ESS2: variants seen among roughly 807,000 people sequenced by gnomAD.
The protein encoded by ESS2 is ess-2 spliceosome associated protein.
A neutral mutation model predicts 52.0 loss-of-function variants in ESS2; 31 were observed. The observed-to-expected ratio is 0.60, with a 90% CI of 0.45 to 0.81. The LOEUF (loss-of-function observed/expected upper bound fraction) is 0.81, where lower values mean the gene tolerates loss of function less well. Ranked by LOEUF, ESS2 falls within the 30% of genes least tolerant of loss-of-function variation. The pLI is 0.00. For missense variants in ESS2, 602 were observed against 637.2 expected (o/e 0.94, Z 0.59); for synonymous variants, 285 against 259.2 (o/e 1.10, Z -0.95).
Position 19,131,685 on chromosome 22 carries a change from G to A in ESS2, c.*2511C>T. The A allele has an allele frequency of 1.2e-6, 2 of 1,614,028 alleles. No homozygotes were observed. Among genetic ancestry groups the A allele is most frequent in the Non-Finnish European group, 1.7e-6 (2 of 1,180,014 alleles). ...CATCATCATGGAGCTTGGCGTCCAGGGCGACCTCCTCGAGTTCATCAAGTG... is the reference window on the plus strand; with the variant it reads ...CATCATCATGGAGCTTGGCGTCCAGAGCGACCTCCTCGAGTTCATCAAGTG... On this transcript the variant is annotated 3_prime_UTR_variant, in exon 10 of 10. Transcript: ENST00000252137. This position sits in a 1 kb window ranked among gnomAD's most constrained non-coding sequence, Gnocchi z 5.7.
At position 19,131,813 on chromosome 22, in the gene ESS2, G is replaced by A. The variant is rs764357812; in HGVS notation, c.*2383C>T. 12 of 1,614,054 alleles carry A rather than the reference G, an allele frequency of 7.4e-6. No homozygotes were observed. In the South Asian group the frequency reaches 1.3e-4, roughly 18 times the overall value. On this transcript the variant is annotated 3_prime_UTR_variant, in exon 10 of 10. Transcript: ENST00000252137. The surrounding 1 kb of genome is among the most constrained non-coding windows in gnomAD (Gnocchi z 5.7). ...TGGACATCGTCCACCGGGACCTCAAGTGCGAGAACCTTCTCCTCGACAAGG... is the reference window on the plus strand; with the variant it reads ...TGGACATCGTCCACCGGGACCTCAAATGCGAGAACCTTCTCCTCGACAAGG...
intron 3 of ESS2, among the ~76,000 whole-genome samples, chr22:19,140,369 A>AC (rs1344190941): frequency 6.6e-6 from 1 of 151,998 alleles, no homozygotes; most frequent in Admixed American, 6.5e-5. Context: ...TCCCCCACCA[A>AC]AGTGGTGCCA....
At chr22:19,140,601 C>T (rs202049370) in intron 3 of ESS2, among the ~76,000 whole-genome samples, 3 of 152,250 alleles carry the variant, frequency 2.0e-5, no homozygotes, top group South Asian at 2.1e-4. Context: ...AACACCCCCC[C>T]CTCCGACCAA....
chr22:19,139,464 G>A lies in ESS2; in HGVS notation c.688+148C>T, dbSNP rs932059468. 3 of 1,205,006 alleles carry A rather than the reference G, an allele frequency of 2.5e-6. No individual in the cohort carries two copies. In the South Asian group the frequency reaches 4.1e-5, roughly 16 times the overall value. 74.6% of individuals were successfully genotyped at this position (1,205,006 alleles called of 1,614,324 possible). A position where few individuals can be genotyped will look rare whatever the true frequency, so the allele number is the denominator to read the frequency against. ...CTCACTGCTGACCTCACACAGACCT[G>A]TCCACCCTTAGACAGACCAGTACCC... is the stretch of plus-strand genomic sequence containing the variant. On this transcript the variant is annotated intron_variant, in intron 5 of 9. Transcript: ENST00000252137.
chr22:19,139,008 C>G (rs564827818), intron 6 of ESS2, 151 bp downstream of exon 6: 2 of 1,112,558 alleles, frequency 1.8e-6, no homozygotes, highest in Non-Finnish European at 2.5e-6. Flanking sequence ...CCACTGGGGC[C>G]AAGGAAAGAC....
chr22:19,136,009 AAC>A (rs1005659100), intron 8 of ESS2, among the ~76,000 whole-genome samples: 1 of 147,680 alleles, frequency 6.8e-6, no homozygotes, highest in African/African-American at 2.5e-5. Context: ...CAGCCTGGGC[AAC>A]AGAGTGAAAC....
At position 19,140,092 on chromosome 22, in the gene ESS2, C is replaced by T. The variant is rs946527559; in HGVS notation, c.401-68G>A. ...GTCAGGAAAGAGGAGGACACCCAGGCCCAGGAATCATAGCCCCCAACATGC... is the reference window on the plus strand; with the variant it reads ...GTCAGGAAAGAGGAGGACACCCAGGTCCAGGAATCATAGCCCCCAACATGC... On this transcript the variant is annotated intron_variant, in intron 3 of 9. Transcript: ENST00000252137. 1.4e-5 allele frequency: 22 copies of T among 1,570,462 alleles called. No homozygotes were observed. The African/African-American group carries it at 2.0e-4, about 14-fold the overall frequency.
Position 19,132,134 on chromosome 22 carries a change from C to T in ESS2, c.*2062G>A, listed in dbSNP as rs2083514967. The T allele has an allele frequency of 6.2e-7, 1 of 1,612,814 alleles. No homozygotes were observed. Among genetic ancestry groups the T allele is most frequent in the Non-Finnish European group, 8.5e-7 (1 of 1,179,038 alleles). On this transcript the variant is annotated 3_prime_UTR_variant, in exon 10 of 10. Transcript: ENST00000252137. This position sits in a 1 kb window ranked among gnomAD's most constrained non-coding sequence, Gnocchi z 4.2. ...GCTCCAAGAACCTGACCTGCGAGTGCAAGGACCTCATCTACCGCATGCTGC... is the reference window on the plus strand; with the variant it reads ...GCTCCAAGAACCTGACCTGCGAGTGTAAGGACCTCATCTACCGCATGCTGC...
In ESS2 at chr22:19,134,441, G is replaced by A. The variant is rs745674810; in HGVS notation, c.1186C>T (p.Pro396Ser). Reference sequence around the variant, plus strand: ...CTGCTCACAAGGCGCTGTAGGGCTGGCGACATGGCTGGGCTCAGGCCTTTG... The same window carrying A: ...CTGCTCACAAGGCGCTGTAGGGCTGACGACATGGCTGGGCTCAGGCCTTTG... Reference protein sequence around the residue: ...TPKGLSPAMSPALQRLVSRTA... With the variant: ...TPKGLSPAMSSALQRLVSRTA... Residue 396 changes from proline to serine, a missense_variant, in exon 10 of 10, where the codon CCA (proline) becomes TCA (serine). Coordinates refer to ENST00000252137, the MANE Select transcript of ESS2 (RefSeq NM_022719.3). 8.8e-6 allele frequency: 14 copies of A among 1,589,848 alleles called. No homozygotes were observed. In the Admixed American group the frequency reaches 1.9e-4, roughly 22 times the overall value.
Position 19,131,453 on chromosome 22 carries a change from T to C in ESS2, c.*2743A>G. On this transcript the variant is annotated 3_prime_UTR_variant, in exon 10 of 10. Coordinates refer to ENST00000252137, the MANE Select transcript of ESS2 (RefSeq NM_022719.3). This position sits in a 1 kb window ranked among gnomAD's most constrained non-coding sequence, Gnocchi z 5.7. The stretch of plus-strand genomic sequence containing the variant: ...AGGGTTACATCGTAGGCATCAATCT[T>C]GGCAAGGGTTCCTACGCAAAAGTCA... 6.2e-7 allele frequency: 1 copy of C among 1,614,014 alleles called. No homozygotes were observed. The highest frequency in any genetic ancestry group is 1.1e-5 in the South Asian group (1 of 91,068).
chr22:19,144,056 C>T, intron 1 of ESS2: 1 of 998,512 alleles, frequency 1.0e-6, no homozygotes, highest in Non-Finnish European at 1.2e-6. Flanking sequence ...ACCAAACTGA[C>T]TTCCGCCAAT....
In ESS2 at chr22:19,131,637, G is replaced by C. The variant is rs1402433016; in HGVS notation, c.*2559C>G. The C allele has an allele frequency of 6.2e-7, 1 of 1,614,112 alleles. No individual in the cohort carries two copies. Among genetic ancestry groups the C allele is most frequent in the Non-Finnish European group, 8.5e-7 (1 of 1,180,040 alleles). ...CATCATCAAGACTTACGAGATCTTT[G>C]AGACCTCTGACGGACGGATCTACAT... On this transcript the variant is annotated 3_prime_UTR_variant, in exon 10 of 10. Coordinates refer to ENST00000252137, the MANE Select transcript of ESS2 (RefSeq NM_022719.3). The surrounding 1 kb of genome is among the most constrained non-coding windows in gnomAD (Gnocchi z 5.7).
At chr22:19,134,497 G>C (rs767211285) in intron 9 of ESS2, 22 bp from the exon 10 acceptor site, 3 of 1,512,268 alleles carry the variant, frequency 2.0e-6, no homozygotes, top group East Asian at 4.9e-5. Context: ...GAATGGGTGA[G>C]AGAGGCAGGG....
At position 19,132,305 on chromosome 22, in the gene ESS2, G is replaced by A. The variant is rs2146085407; in HGVS notation, c.*1891C>T. 6 of 1,613,246 alleles carry A rather than the reference G, an allele frequency of 3.7e-6. No homozygotes were observed. The South Asian group carries it at 5.5e-5, about 15-fold the overall frequency. On this transcript the variant is annotated 3_prime_UTR_variant, in exon 10 of 10. Coordinates refer to ENST00000252137, the MANE Select transcript of ESS2 (RefSeq NM_022719.3). This position sits in a 1 kb window ranked among gnomAD's most constrained non-coding sequence, Gnocchi z 4.2. ...GCGCTGAGTGCAAACTGGACACCAA[G>A]ACAGGCTTGAGGCCCGACCACCGGC... is the stretch of plus-strand genomic sequence containing the variant.
chr22:19,135,136 T>C lies in ESS2; in HGVS notation c.1075A>G (p.Met359Val), dbSNP rs771966191. 28 of 1,614,026 alleles carry C rather than the reference T, an allele frequency of 1.7e-5. No homozygotes were observed. The highest frequency in any genetic ancestry group is 6.6e-5 in the South Asian group (6 of 91,076). ...PGRRERLGLK[M>V]ANEAAAKNRA... ...TTCTTGGCAGCGGCCTCGTTGGCCA[T>C]CTTCAGACCCAGCCGCTCCCTGCGG... The change falls in exon 9 of 10, where the codon ATG becomes GTG. Residue 359 changes from methionine to valine, a missense_variant. Coordinates refer to ENST00000252137, the MANE Select transcript of ESS2 (RefSeq NM_022719.3).
intron 4 of ESS2, 45 bp downstream of exon 4, chr22:19,139,810 C>G (rs946643500): frequency 1.2e-6 from 2 of 1,613,978 alleles, no homozygotes; most frequent in Non-Finnish European, 1.7e-6. Flanking sequence ...CCAACCACCA[C>G]AGAGGGTGCC....
chr22:19,139,153 G>A lies in ESS2; in HGVS notation c.822+6C>T, dbSNP rs1346482333. ...CCCATGCGGCCCTGCTGACCCGCCT[G>A]CTCACCTGGGCATTGAGGGCGGCTG... On this transcript the variant is annotated splice_donor_region_variant and intron_variant, in intron 6 of 9. Transcript: ENST00000252137. The A allele has an allele frequency of 6.3e-7, 1 of 1,586,738 alleles. No individual in the cohort carries two copies. The highest frequency in any genetic ancestry group is 8.6e-7 in the Non-Finnish European group (1 of 1,166,398).
rs746308938 is a variant in ESS2, at chr22:19,131,795, C to T, written c.*2401G>A. ...TCAAGTACTGCCACGACCTGGACAT[C>T]GTCCACCGGGACCTCAAGTGCGAGA... On this transcript the variant is annotated 3_prime_UTR_variant, in exon 10 of 10. Transcript: ENST00000252137. This position sits in a 1 kb window ranked among gnomAD's most constrained non-coding sequence, Gnocchi z 5.7. 3.1e-5 allele frequency: 50 copies of T among 1,614,232 alleles called. No homozygotes were observed. The South Asian group carries it at 4.4e-4, about 14-fold the overall frequency.
chr22:19,132,556 G>C lies in ESS2; in HGVS notation c.*1640C>G, dbSNP rs2083521261. The C allele has an allele frequency of 7.1e-7, 1 of 1,405,766 alleles. No individual in the cohort carries two copies. The highest frequency in any genetic ancestry group is 1.4e-5 in the African/African-American group (1 of 69,732). 87.1% of individuals were successfully genotyped at this position (1,405,766 alleles called of 1,614,324 possible). A position where few individuals can be genotyped will look rare whatever the true frequency, so the allele number is the denominator to read the frequency against. On this transcript the variant is annotated 3_prime_UTR_variant, in exon 10 of 10. Transcript: ENST00000252137. The surrounding 1 kb of genome is among the most constrained non-coding windows in gnomAD (Gnocchi z 4.2). ...AGTCGGCCTTCACGTAAACTAAGTA[G>C]GCAGGTAGGATCTGAAGAAGGCACA...
Sources: gnomAD v4.1 joint callset for allele counts (sites outside exome capture counted in the v4.1 genomes callset) on GRCh38, gnomAD v4.1.1 for gene constraint, Gnocchi (gnomAD v3.1) non-coding constraint, MANE v1.5 for transcripts, NCBI Gene and HGNC (gene_info 2026-07-23, HGNC 2026-07-21) for gene names.